WDR17: variants seen among roughly 807,000 people sequenced by gnomAD.
The protein encoded by WDR17 is WD repeat domain 17.
WDR17 carries 143 observed loss-of-function variants against 161.7 expected under a neutral mutation model. That is an observed-to-expected ratio of 0.88 (90% CI 0.77 to 1.02). The LOEUF (loss-of-function observed/expected upper bound fraction) is 1.02. Ranked by LOEUF, WDR17 falls within the 50% of genes least tolerant of loss-of-function variation. The pLI, the probability that WDR17 is intolerant of heterozygous loss-of-function variation, is 0.00. For missense variants in WDR17, 1,469 were observed against 1,520.9 expected (o/e 0.97, Z 0.57); for synonymous variants, 517 against 515.6 (o/e 1.00, Z -0.04).
chr4:176,115,749 T>C (rs113035871), intron 2 of WDR17, 47 bp from the exon 3 acceptor site: 1 of 1,425,156 alleles, frequency 7.0e-7, no homozygotes, highest in Non-Finnish European at 9.4e-7. Flanking sequence ...CAGTGTATTA[T>C]CTTAAAAAGG....
chr4:176,078,338 CTCTAGT>C (rs1195414827), intron 1 of WDR17, among the ~76,000 whole-genome samples: 2 of 152,074 alleles, frequency 1.3e-5, no homozygotes, highest in Admixed American at 6.6e-5. Flanking sequence ...GAATCACCTG[CTCTAGT>C]TCAGGGACTG....
intron 1 of WDR17, among the ~76,000 whole-genome samples, chr4:176,103,758 G>A (rs944862593): frequency 1.3e-4 from 20 of 151,964 alleles, no homozygotes; most frequent in Admixed American, 3.9e-4. Flanking sequence ...AAGCAAAACC[G>A]AAGGGACATA....
rs1261079726 is a variant in WDR17 at position 176,120,053 on chromosome 4, T to C, written c.494T>C (p.Val165Ala). 2 of 1,613,962 alleles carry C rather than the reference T, an allele frequency of 1.2e-6. No homozygotes were observed. Among genetic ancestry groups the C allele is most frequent in the Non-Finnish European group, 1.7e-6 (2 of 1,179,940 alleles). The part of the protein sequence containing the change: ...FRWHTHQKGK[V>A]VFGHIDGSLS... ...TGGCATACACACCAAAAGGGGAAAG[T>C]TGTGTTTGGTCATATTGATGGAAGT... The change falls in exon 4 of 29, where the codon GTT becomes GCT. Residue 165 changes from valine (V) to alanine (A), a missense_variant. Coordinates refer to ENST00000508596, the MANE Select transcript of WDR17 (RefSeq NM_181265.4).
rs1320413748 is a variant in WDR17 at position 176,179,623 on chromosome 4, A to T, written c.*44A>T. 1 of 1,507,494 alleles carries T rather than the reference A, an allele frequency of 6.6e-7. No individual in the cohort carries two copies. The highest frequency in any genetic ancestry group is 8.9e-7 in the Non-Finnish European group (1 of 1,126,696). 93.4% of individuals were successfully genotyped at this position (1,507,494 alleles called of 1,614,324 possible). ...GCTTGATTTTTTTTTTTAAAGAAAAACTTTCATGGGTTAGCATTACCTTAA... is the reference window on the plus strand; with the variant it reads ...GCTTGATTTTTTTTTTTAAAGAAAATCTTTCATGGGTTAGCATTACCTTAA... On this transcript the variant is annotated 3_prime_UTR_variant, in exon 29 of 29. Transcript: ENST00000508596.
At chr4:176,108,662 G>C (rs1739204188) in intron 1 of WDR17, among the ~76,000 whole-genome samples, 1 of 152,084 alleles carries the variant, frequency 6.6e-6, no homozygotes, top group South Asian at 2.1e-4. Flanking sequence ...TTGTGTTATG[G>C]GGTGGGGGAG....
intron 16 of WDR17, among the ~76,000 whole-genome samples, chr4:176,151,058 G>C (rs1747029220): frequency 1.3e-5 from 2 of 152,162 alleles, no homozygotes; most frequent in African/African-American, 4.8e-5. Flanking sequence ...AGAAAAAATT[G>C]CTTGTATATT....
chr4:176,158,240 G>A (rs192478694), intron 18 of WDR17, among the ~76,000 whole-genome samples: 1 of 152,308 alleles, frequency 6.6e-6, no homozygotes, highest in East Asian at 1.9e-4. Context: ...AGGCCAGTTA[G>A]AAGGCAATTA....
chr4:176,107,060 A>G (rs745553931), intron 1 of WDR17, among the ~76,000 whole-genome samples: 1 of 152,240 alleles, frequency 6.6e-6, no homozygotes, highest in African/African-American at 2.4e-5. Context: ...TACCGCAAAT[A>G]TAGGGAAAAC....
chr4:176,146,103 T>C lies in WDR17; in HGVS notation c.1638T>C (p.Phe546=). 1.2e-6 allele frequency: 2 copies of C among 1,614,094 alleles called. No homozygotes were observed. Among genetic ancestry groups the C allele is most frequent in the Non-Finnish European group, 8.5e-7 (1 of 1,179,972 alleles). ...KVFSGHTAKV[F]HVKWSPLREG... ...TTAGTGGGCATACAGCAAAAGTGTT[T>C]CATGTTAAATGGTCTCCTCTGAGAG... The change falls in exon 12 of 29, where the codon TTT becomes TTC. Residue 546 remains phenylalanine, a synonymous_variant. Transcript: ENST00000508596.
intron 4 of WDR17, among the ~76,000 whole-genome samples, 199 bp from the exon 5 acceptor site, chr4:176,124,905 A>T (rs1329787169): frequency 6.6e-6 from 1 of 152,230 alleles, no homozygotes. Context: ...AAAACAGAGC[A>T]TTGAGCCTGA....
At chr4:176,168,889 C>T in intron 23 of WDR17, 106 bp downstream of exon 23, 1 of 1,323,816 alleles carries the variant, frequency 7.6e-7, no homozygotes, top group Non-Finnish European at 1.0e-6. Context: ...AATGTGTGGT[C>T]CCTTTGGGGT....
chr4:176,152,075 C>A, intron 17 of WDR17, 108 bp downstream of exon 17: 1 of 1,130,000 alleles, frequency 8.8e-7, no homozygotes, highest in Non-Finnish European at 1.2e-6. Context: ...CTTTGGAGGC[C>A]AAGGTGGGTG....
At chr4:176,136,295 C>G (rs73020023) in intron 8 of WDR17, among the ~76,000 whole-genome samples, 5,052 of 151,726 alleles carry the variant, frequency 0.033, 231 homozygotes, top group African/African-American at 0.11. Context: ...TTGCAGTATG[C>G]ACCTCCACTG....
intron 4 of WDR17, among the ~76,000 whole-genome samples, chr4:176,124,495 C>T (rs1220506048): frequency 2.0e-5 from 3 of 152,136 alleles, no homozygotes; most frequent in African/African-American, 7.2e-5. Context: ...TACTAAGATG[C>T]TGTTTAAAAT....
At chr4:176,139,999 T>G (rs765020352) in intron 10 of WDR17, 25 bp downstream of exon 10, 1 of 1,557,594 alleles carries the variant, frequency 6.4e-7, no homozygotes, top group Non-Finnish European at 8.8e-7. Context: ...TGATACATGA[T>G]ATGAAATTAC....
At chr4:176,103,489 T>C (rs1008155630) in intron 1 of WDR17, among the ~76,000 whole-genome samples, 3 of 152,092 alleles carry the variant, frequency 2.0e-5, no homozygotes, top group African/African-American at 4.8e-5. Context: ...AAAGATCTAC[T>C]AGACAAAGAC....
Position 176,156,144 on chromosome 4 carries a change from G to T in WDR17, c.2525+1G>T. 6.2e-7 allele frequency: 1 copy of T among 1,613,052 alleles called. No homozygotes were observed. Among genetic ancestry groups the T allele is most frequent in the South Asian group, 1.1e-5 (1 of 90,960 alleles). On this transcript the variant is annotated splice_donor_variant, in intron 18 of 28. Transcript: ENST00000508596. LOFTEE classifies it high-confidence loss of function. Reference sequence around the variant, plus strand: ...AATACTGGAAGAAGTTAATGCAGAGGTAAGGCAGAGAGAGTCCGTGTTAAA... The same window carrying T: ...AATACTGGAAGAAGTTAATGCAGAGTTAAGGCAGAGAGAGTCCGTGTTAAA...
chr4:176,131,510 T>C, intron 6 of WDR17, 44 bp from the exon 7 acceptor site: 2 of 1,511,812 alleles, frequency 1.3e-6, no homozygotes, highest in Non-Finnish European at 1.8e-6. Context: ...TAAATTAAGC[T>C]CTGTGGTTTC....
chr4:176,160,256 C>A, intron 19 of WDR17, 130 bp downstream of exon 19: 1 of 1,004,864 alleles, frequency 1.0e-6, no homozygotes, highest in Non-Finnish European at 1.4e-6. Flanking sequence ...GCCCTCCTCC[C>A]TGGCCTTCTT....
Sources: gnomAD v4.1 joint callset for allele counts (sites outside exome capture counted in the v4.1 genomes callset) on GRCh38, gnomAD v4.1.1 for gene constraint, MANE v1.5 for transcripts, NCBI Gene and HGNC (gene_info 2026-07-23, HGNC 2026-07-21) for gene names.